MAN1A1: variants seen among roughly 807,000 people sequenced by gnomAD.
MAN1A1 encodes mannosidase alpha class 1A member 1.
MAN1A1 carries 29 observed loss-of-function variants against 70.8 expected under a neutral mutation model. The observed-to-expected ratio is 0.41, with a 90% CI of 0.31 to 0.56. The LOEUF is 0.56. MAN1A1 is among the 20% of genes least tolerant of loss of function. The probability of loss-of-function intolerance (pLI) is 0.29; values close to 1 mark genes in which losing one functional copy is unlikely to be tolerated. For missense variants in MAN1A1, 747 were observed against 841.3 expected (o/e 0.89, Z 1.39); for synonymous variants, 349 against 330.1 (o/e 1.06, Z -0.62).
chr6:119,241,990 A>C (rs1039856284), intron 6 of MAN1A1, among the ~76,000 whole-genome samples: 5 of 151,378 alleles, frequency 3.3e-5, no homozygotes, highest in African/African-American at 1.2e-4. Context: ...GTGTGTATAT[A>C]TATATTAGAA....
intron 2 of MAN1A1, among the ~76,000 whole-genome samples, chr6:119,347,177 G>C (rs1362730082): frequency 6.6e-6 from 1 of 152,150 alleles, no homozygotes; most frequent in Non-Finnish European, 1.5e-5. Flanking sequence ...ACTTTAACTT[G>C]CTCAATTACA....
chr6:119,348,360 C>T, intron 2 of MAN1A1, 103 bp downstream of exon 2: 1 of 1,176,000 alleles, frequency 8.5e-7, no homozygotes, highest in Non-Finnish European at 1.2e-6. Context: ...ACCTCCATCT[C>T]CCCATACATT....
chr6:119,231,165 A>G (rs1180108356), intron 6 of MAN1A1, among the ~76,000 whole-genome samples: 2 of 152,168 alleles, frequency 1.3e-5, no homozygotes, highest in Non-Finnish European at 2.9e-5. Flanking sequence ...TAAAGGGAAA[A>G]AGTATGAAAA....
At chr6:119,216,303 A>G (rs1425144251) in intron 6 of MAN1A1, among the ~76,000 whole-genome samples, 1 of 152,284 alleles carries the variant, frequency 6.6e-6, no homozygotes. Context: ...AAGCAAGCAA[A>G]TGATTGTATA....
At chr6:119,283,371 C>G (rs1173110367) in intron 5 of MAN1A1, among the ~76,000 whole-genome samples, 2 of 152,128 alleles carry the variant, frequency 1.3e-5, no homozygotes, top group Non-Finnish European at 2.9e-5. Context: ...TAAACATTTA[C>G]TAAATGTTTT....
chr6:119,260,976 G>GTTTT (rs61169300), intron 5 of MAN1A1, among the ~76,000 whole-genome samples: 1 of 116,942 alleles, frequency 8.6e-6, no homozygotes, highest in Non-Finnish European at 1.7e-5. Context: ...TTTTTTTATT[G>GTTTT]TTTTTTTTTT....
chr6:119,263,466 A>T (rs1775667483), intron 5 of MAN1A1, among the ~76,000 whole-genome samples: 1 of 152,196 alleles, frequency 6.6e-6, no homozygotes, highest in African/African-American at 2.4e-5. Flanking sequence ...ACATATGGAC[A>T]CAAAGAAAGG....
chr6:119,317,068 G>A (rs952727571), intron 2 of MAN1A1, among the ~76,000 whole-genome samples: 17 of 150,868 alleles, frequency 1.1e-4, no homozygotes, highest in South Asian at 4.2e-4. Flanking sequence ...GTGTGTGTAT[G>A]TTTTCTAAAA....
At chr6:119,297,896 A>T (rs1772266905) in intron 4 of MAN1A1, among the ~76,000 whole-genome samples, 1 of 151,182 alleles carries the variant, frequency 6.6e-6, no homozygotes, top group Admixed American at 6.6e-5. Flanking sequence ...GAAATCCACC[A>T]GCCTGGGCCT....
intron 3 of MAN1A1, among the ~76,000 whole-genome samples, chr6:119,306,365 C>A (rs564549498): frequency 1.7e-4 from 26 of 152,268 alleles, no homozygotes; most frequent in African/African-American, 6.3e-4. Flanking sequence ...CTGTGGGAAC[C>A]AAATGCAATA....
intron 2 of MAN1A1, among the ~76,000 whole-genome samples, chr6:119,340,062 G>C (rs1773560270): frequency 6.6e-6 from 1 of 152,160 alleles, no homozygotes; most frequent in African/African-American, 2.4e-5. Context: ...CTGCACTCCA[G>C]CCTTGGCAAC....
rs547071452 is a variant in MAN1A1, at chr6:119,321,155, A to G, written c.604-14163T>C. On this transcript the variant is annotated intron_variant, in intron 2 of 12. Transcript: ENST00000368468. ...CTCCCCAAAGTTTTACTGTAACTAC[A>G]TGAAATCTTATTTAAAATAGGTCAG... 4.6e-5 allele frequency among the ~76,000 whole-genome samples: 7 copies of G among 152,356 alleles called. No individual in the cohort carries two copies. The East Asian group carries it at 1.2e-3, about 25-fold the overall frequency.
chr6:119,217,766 C>T (rs1335416674), intron 6 of MAN1A1, among the ~76,000 whole-genome samples: 2 of 152,142 alleles, frequency 1.3e-5, no homozygotes, highest in East Asian at 3.9e-4. Flanking sequence ...CATTGCAATT[C>T]CTCCTGCGCC....
rs150031201 is a variant in MAN1A1, at chr6:119,187,529, G to A, written c.1719+876C>T. Among the ~76,000 whole-genome samples the A allele has an allele frequency of 1.4e-3, 208 of 152,278 alleles. 1 individual carries two copies. The highest frequency in any genetic ancestry group is 4.8e-3 in the African/African-American group (198 of 41,566). ...AAGAGGATAATAAGCAAGATTCACCGATGGCTTCCTAAGATATTAGTTAAA... is the reference window on the plus strand; with the variant it reads ...AAGAGGATAATAAGCAAGATTCACCAATGGCTTCCTAAGATATTAGTTAAA... On this transcript the variant is annotated intron_variant, in intron 11 of 12. Coordinates refer to ENST00000368468, the MANE Select transcript of MAN1A1 (RefSeq NM_005907.4).
chr6:119,287,661 T>C (rs1776413786), intron 5 of MAN1A1, among the ~76,000 whole-genome samples: 2 of 151,996 alleles, frequency 1.3e-5, no homozygotes, highest in South Asian at 4.1e-4. Context: ...GAATACAGGA[T>C]GTAGCTCTTC....
chr6:119,219,708 C>CA (rs1432050787), intron 6 of MAN1A1, among the ~76,000 whole-genome samples: 1 of 151,624 alleles, frequency 6.6e-6, no homozygotes, highest in Non-Finnish European at 1.5e-5. Flanking sequence ...AAGGTATTCC[C>CA]AAAATTTAAA....
chr6:119,185,049 C>T (rs977426659), intron 11 of MAN1A1, among the ~76,000 whole-genome samples: 4 of 151,950 alleles, frequency 2.6e-5, no homozygotes, highest in Non-Finnish European at 4.4e-5. Flanking sequence ...GCCAGCATGA[C>T]GGGCTAATTT....
intron 5 of MAN1A1, among the ~76,000 whole-genome samples, chr6:119,260,821 T>A (rs1775586752): frequency 6.6e-6 from 1 of 152,140 alleles, no homozygotes; most frequent in East Asian, 1.9e-4. Context: ...TAACTCAGTA[T>A]CTTTTTTATT....
chr6:119,249,169 G>A (rs1022545293), intron 5 of MAN1A1, among the ~76,000 whole-genome samples: 1 of 152,102 alleles, frequency 6.6e-6, no homozygotes, highest in African/African-American at 2.4e-5. Flanking sequence ...CCCGACAGAA[G>A]GCGGCAAGTG....
Sources: gnomAD v4.1 joint callset for allele counts (sites outside exome capture counted in the v4.1 genomes callset) on GRCh38, gnomAD v4.1.1 for gene constraint, MANE v1.5 for transcripts, NCBI Gene and HGNC (gene_info 2026-07-23, HGNC 2026-07-21) for gene names.